Variants in FAM53A observed in about 807,000 individuals in gnomAD.
FAM53A encodes protein FAM53A.
In FAM53A, 28 loss-of-function variants were observed where a neutral mutation model predicts 26.6. The observed-to-expected ratio is 1.05, with a 90% CI of 0.78 to 1.45. FAM53A has a LOEUF of 1.45. Among genes scored for constraint, FAM53A ranks in the 40% most tolerant of loss-of-function variants. FAM53A has a pLI of 0.00. For missense variants in FAM53A, 650 were observed against 575.8 expected, an observed-to-expected ratio of 1.13 and a Z score of -1.32; for synonymous variants, 290 against 253.1, an observed-to-expected ratio of 1.15 and a Z score of -1.38.
intron 1 of FAM53A, among the ~76,000 whole-genome samples, chr4:1,681,900 C>G (rs1319032059): frequency 2.0e-5 from 3 of 152,138 alleles, no homozygotes; most frequent in African/African-American, 7.2e-5. Flanking sequence ...ATAAACTGCA[C>G]CAAGTAATTT....
At position 1,664,078 on chromosome 4, in the gene FAM53A, G is replaced by A. The variant is rs373740945; in HGVS notation, c.75+4589C>T. On this transcript the variant is annotated intron_variant, in intron 2 of 4. Coordinates refer to ENST00000308132, the MANE Select transcript of FAM53A (RefSeq NM_001174070.3). ...CACCCTATGGGGAAAAGGGACATGA[G>A]ACACCCTGAATCTGGACTCCCTGAA... Among the ~76,000 whole-genome samples the A allele has an allele frequency of 4.6e-5, 7 of 152,292 alleles. No homozygotes were observed. In the East Asian group the frequency reaches 1.4e-3, roughly 29 times the overall value.
intron 1 of FAM53A, among the ~76,000 whole-genome samples, chr4:1,677,507 G>A (rs368052338): frequency 1.3e-4 from 20 of 152,156 alleles, no homozygotes; most frequent in African/African-American, 2.7e-4. Flanking sequence ...ACATATACAG[G>A]GCTGCTTTTC....
At chr4:1,635,662 G>C (rs565388735), downstream of FAM53A, among the ~76,000 whole-genome samples, 12 of 152,094 alleles carry the variant, frequency 7.9e-5, no homozygotes, top group South Asian at 2.1e-3. Flanking sequence ...CCACAAGCAC[G>C]GATCTGCCGC....
chr4:1,655,282 C>G lies in FAM53A; in HGVS notation c.578G>C (p.Gly193Ala). The change falls in exon 4 of 5, where the codon GGC becomes GCC. Residue 193 changes from glycine to alanine, a missense_variant. Gly to Ala is a moderately conservative substitution (Grantham distance 60). Transcript: ENST00000308132. Reference protein sequence around the residue: ...ATPRPSSASGGFVDSSEGSAG... With the variant: ...ATPRPSSASGAFVDSSEGSAG... ...ACTGCCCTCGCTGCTGTCCACGAAG[C>G]CGCCGCTGGCGGAGGACGGCCGGGG... The G allele has an allele frequency of 7.0e-7, 1 of 1,425,184 alleles. No individual in the cohort carries two copies. Among genetic ancestry groups the G allele is most frequent in the South Asian group, 1.5e-5 (1 of 66,520 alleles). The allele number at this position is 1,425,184 out of a possible 1,614,324, so 88.3% of individuals were successfully genotyped here. A position where few individuals can be genotyped will look rare whatever the true frequency, so the allele number is the denominator to read the frequency against.
chr4:1,622,576 A>T (rs768519904), intron 1 of FAM53A, among the ~76,000 whole-genome samples: 4 of 152,334 alleles, frequency 2.6e-5, no homozygotes, highest in Non-Finnish European at 5.9e-5. Flanking sequence ...ATGGCCTCAG[A>T]CACACAAACA....
Position 1,663,287 on chromosome 4 carries a change from A to C in FAM53A, c.75+5380T>G, listed in dbSNP as rs555033489. Among the ~76,000 whole-genome samples the C allele has an allele frequency of 1.1e-4, 16 of 152,336 alleles. No homozygotes were observed. In the East Asian group the frequency reaches 3.1e-3, roughly 29 times the overall value. ...TGGAAAACAGTTTGGCAGTTCCTCA[A>C]AATGTTAAACATAGAATCACCATAT... is the stretch of plus-strand genomic sequence containing the variant. On this transcript the variant is annotated intron_variant, in intron 2 of 4. Transcript: ENST00000308132.
At chr4:1,605,303 T>A in the FAM53A span, among the ~76,000 whole-genome samples, 9 of 151,960 alleles carry the variant, frequency 5.9e-5, no homozygotes, top group African/African-American at 2.2e-4. This position sits in a 1 kb window ranked among gnomAD's most constrained non-coding sequence, Gnocchi z 5.7. Context: ...AGCCTCCCCA[T>A]CCTCCCCATG....
At chr4:1,682,701 C>T (rs1260451285) in intron 1 of FAM53A, among the ~76,000 whole-genome samples, 1 of 152,010 alleles carries the variant, frequency 6.6e-6, no homozygotes, top group Non-Finnish European at 1.5e-5. Context: ...GTTTCCTGTG[C>T]ACATCATTGC....
At chr4:1,587,288 G>T in the FAM53A span, among the ~76,000 whole-genome samples, 1 of 152,010 alleles carries the variant, frequency 6.6e-6, no homozygotes, top group African/African-American at 2.4e-5. Flanking sequence ...CTGTGCTTTT[G>T]GGGTCATATC....
chr4:1,609,856 G>A, the FAM53A span, among the ~76,000 whole-genome samples: 2 of 151,986 alleles, frequency 1.3e-5, no homozygotes, highest in Admixed American at 6.6e-5. Flanking sequence ...CCAGCTACTC[G>A]GGAGGCTAAG....
At chr4:1,606,184 G>A in the FAM53A span, among the ~76,000 whole-genome samples, 1 of 151,768 alleles carries the variant, frequency 6.6e-6, no homozygotes, top group South Asian at 2.1e-4. Flanking sequence ...GACTACAGGC[G>A]CCTGCCACCA....
Position 1,655,114 on chromosome 4 carries a change from A to G in FAM53A, c.746T>C (p.Leu249Pro). 6.3e-7 allele frequency: 1 copy of G among 1,598,936 alleles called. No homozygotes were observed. Among genetic ancestry groups the G allele is most frequent in the Non-Finnish European group, 8.5e-7 (1 of 1,172,628 alleles). The change falls in exon 4 of 5, where the codon CTG becomes CCG. Residue 249 changes from leucine (L) to proline (P), a missense_variant. Transcript: ENST00000308132. Reference protein sequence around the residue: ...ASSSPTSTPALGGRRGLLRCR... With the variant: ...ASSSPTSTPAPGGRRGLLRCR... ...CCGGAGCAGCCCACGGCGCCCGCCCAGCGCAGGCGTGGACGTGGGGCTGCT... is the reference window on the plus strand; with the variant it reads ...CCGGAGCAGCCCACGGCGCCCGCCCGGCGCAGGCGTGGACGTGGGGCTGCT...
chr4:1,623,678 C>G (rs968615072), intron 1 of FAM53A, among the ~76,000 whole-genome samples: 1 of 152,250 alleles, frequency 6.6e-6, no homozygotes, highest in Non-Finnish European at 1.5e-5. Context: ...CAAATTACCC[C>G]GGGAGCCGCG....
At chr4:1,677,524 G>C (rs75287747) in intron 1 of FAM53A, among the ~76,000 whole-genome samples, 2 of 152,148 alleles carry the variant, frequency 1.3e-5, no homozygotes, top group Admixed American at 6.5e-5. Context: ...TTTCATGGGG[G>C]GTTTTAAATT....
chr4:1,658,183 T>C (rs1439800392), intron 2 of FAM53A, among the ~76,000 whole-genome samples: 1 of 151,728 alleles, frequency 6.6e-6, no homozygotes. Context: ...GCTAATTTTG[T>C]TTTTTTAAAT....
intron 4 of FAM53A, among the ~76,000 whole-genome samples, chr4:1,653,444 C>T (rs893197707): frequency 1.8e-4 from 28 of 152,182 alleles, no homozygotes; most frequent in African/African-American, 6.8e-4. Flanking sequence ...TTCCCCGCCC[C>T]ACAACGTGCT....
intron 4 of FAM53A, among the ~76,000 whole-genome samples, chr4:1,654,624 G>C (rs1577122790): frequency 6.6e-6 from 1 of 152,350 alleles, no homozygotes; most frequent in South Asian, 2.1e-4. Context: ...ACCAGAAAAA[G>C]TCAGGGGACT....
At chr4:1,649,929 GC>G (rs1712607995) in intron 4 of FAM53A, among the ~76,000 whole-genome samples, 4 of 134,436 alleles carry the variant, frequency 3.0e-5, no homozygotes, top group Admixed American at 7.4e-5. Context: ...CACAGGCGTG[GC>G]GTTTGACTGT....
chr4:1,599,880 C>A, the FAM53A span, among the ~76,000 whole-genome samples: 1 of 152,196 alleles, frequency 6.6e-6, no homozygotes, highest in Non-Finnish European at 1.5e-5. The surrounding 1 kb of genome is among the most constrained non-coding windows in gnomAD (Gnocchi z 6.1). Context: ...AGGGTGTGGG[C>A]TGCATGGCGC....
Sources: gnomAD v4.1 joint callset for allele counts (sites outside exome capture counted in the v4.1 genomes callset) on GRCh38, gnomAD v4.1.1 for gene constraint, Gnocchi (gnomAD v3.1) non-coding constraint, MANE v1.5 for transcripts, NCBI Gene and HGNC (gene_info 2026-07-23, HGNC 2026-07-21) for gene names.